Variants in AK4 observed in about 807,000 individuals in gnomAD.
AK4 encodes adenylate kinase 4.
Under a neutral mutation model 24.6 loss-of-function variants are expected in AK4, and 13 were observed. The observed-to-expected ratio is 0.53, with a 90% confidence interval of 0.34 to 0.84. The LOEUF (loss-of-function observed/expected upper bound fraction) is 0.84, where lower values mean the gene tolerates loss of function less well. AK4 is among the 40% of genes least tolerant of loss of function. AK4 has a pLI of 0.01. For missense variants in AK4, 192 were observed against 288.2 expected (o/e 0.67, Z 2.42); for synonymous variants, 88 against 107.0 (o/e 0.82, Z 1.10).
At chr1:65,169,243 A>C (rs1304483044) in intron 1 of AK4, among the ~76,000 whole-genome samples, 2 of 152,132 alleles carry the variant, frequency 1.3e-5, no homozygotes, top group Non-Finnish European at 2.9e-5. Context: ...ATTGCAGGAT[A>C]TCATTCAGCG....
chr1:65,195,539 C>G (rs1461505397), intron 2 of AK4, among the ~76,000 whole-genome samples: 1 of 152,104 alleles, frequency 6.6e-6, no homozygotes, highest in East Asian at 1.9e-4. Context: ...GTGTTAAACT[C>G]CCCTGGAAAG....
At chr1:65,218,161 A>T (rs1652188068) in intron 2 of AK4, among the ~76,000 whole-genome samples, 1 of 152,222 alleles carries the variant, frequency 6.6e-6, no homozygotes, top group Non-Finnish European at 1.5e-5. Flanking sequence ...TGGATGGAGG[A>T]TCATACTTTA....
chr1:65,170,231 G>A (rs921679855), intron 1 of AK4, among the ~76,000 whole-genome samples: 13 of 152,268 alleles, frequency 8.5e-5, no homozygotes, highest in African/African-American at 2.6e-4. Context: ...ACCCAGGTGC[G>A]GTGGCGGGCG....
At position 65,182,168 on chromosome 1, in the gene AK4, A is replaced by G. The variant is rs565952666; in HGVS notation, c.146-8542A>G. Among the ~76,000 whole-genome samples the G allele has an allele frequency of 1.7e-3, 257 of 152,296 alleles. 1 individual carries two copies. The Middle Eastern group carries it at 0.017, about 10-fold the overall frequency. On this transcript the variant is annotated intron_variant, in intron 1 of 4. Transcript: ENST00000327299. ...ACTCCTGGCCTCAAGGGATCATCCC[A>G]TCTTGACCTCTCAAAGTGTTGGGAT...
intron 2 of AK4, among the ~76,000 whole-genome samples, chr1:65,215,562 T>C (rs1652106201): frequency 1.3e-5 from 2 of 152,246 alleles, no homozygotes; most frequent in Admixed American, 1.3e-4. Flanking sequence ...ATTTCTATAG[T>C]TGTTCCTTCT....
intron 3 of AK4, among the ~76,000 whole-genome samples, chr1:65,222,233 G>T (rs1403498226): frequency 2.0e-5 from 3 of 152,180 alleles, no homozygotes; most frequent in African/African-American, 7.2e-5. Context: ...GCTTCTGATA[G>T]TACACGTGGC....
chr1:65,200,999 G>A (rs1288140808), intron 2 of AK4, among the ~76,000 whole-genome samples: 2 of 152,068 alleles, frequency 1.3e-5, no homozygotes, highest in Admixed American at 1.3e-4. Context: ...TCGCCATGTT[G>A]GCCAGGATAG....
At chr1:65,204,911 C>T (rs1208624180) in intron 2 of AK4, among the ~76,000 whole-genome samples, 3 of 152,144 alleles carry the variant, frequency 2.0e-5, no homozygotes, top group African/African-American at 4.8e-5. Flanking sequence ...TTTGATTAAT[C>T]TCTTGGTTAT....
chr1:65,206,743 C>T (rs971728836), intron 2 of AK4, among the ~76,000 whole-genome samples: 2 of 152,218 alleles, frequency 1.3e-5, no homozygotes, highest in Non-Finnish European at 2.9e-5. Flanking sequence ...CGCATCACTG[C>T]CCTCCTTCCT....
At chr1:65,184,372 C>T (rs1464425666) in intron 1 of AK4, among the ~76,000 whole-genome samples, 5 of 152,094 alleles carry the variant, frequency 3.3e-5, no homozygotes, top group African/African-American at 7.2e-5. Flanking sequence ...TATATGTCGC[C>T]TTAATCATTG....
At chr1:65,152,341 T>C (rs1649803780) in intron 1 of AK4, among the ~76,000 whole-genome samples, 1 of 42,186 alleles carries the variant, frequency 2.4e-5, no homozygotes, top group Non-Finnish European at 4.5e-5. Context: ...TCTCTCTCTC[T>C]CTCTCTCTCT....
chr1:65,197,198 TGTATTA>T (rs1250885720), intron 2 of AK4, among the ~76,000 whole-genome samples: 12 of 128,050 alleles, frequency 9.4e-5, no homozygotes, highest in Admixed American at 2.4e-4. Context: ...TAGAGAGAGA[TGTATTA>T]GTAACTGTTT....
At chr1:65,181,184 G>A (rs557611648) in intron 1 of AK4, among the ~76,000 whole-genome samples, 2 of 150,042 alleles carry the variant, frequency 1.3e-5, no homozygotes, top group African/African-American at 2.5e-5. Context: ...TAACAATTTT[G>A]TATCTCCCAC....
intron 1 of AK4, among the ~76,000 whole-genome samples, chr1:65,152,227 C>A (rs1649794323): frequency 6.6e-6 from 1 of 150,492 alleles, no homozygotes; most frequent in Non-Finnish European, 1.5e-5. Context: ...ATCTCAAGTG[C>A]AGGAAAACTG....
In AK4 at chr1:65,210,603, C is replaced by G. The variant is rs369502817; in HGVS notation, c.266-8151C>G. Among the ~76,000 whole-genome samples the G allele has an allele frequency of 4.9e-4, 75 of 152,240 alleles. No homozygotes were observed. In the Middle Eastern group the frequency reaches 0.024, roughly 48 times the overall value. On this transcript the variant is annotated intron_variant, in intron 2 of 4. Transcript: ENST00000327299. ...CGAGGACTTTCTCCTATGTGAAAAT[C>G]TCATGTTGGGTGATGGTGGTGGTGG...
At chr1:65,167,893 T>C (rs909356948) in intron 1 of AK4, among the ~76,000 whole-genome samples, 1 of 152,240 alleles carries the variant, frequency 6.6e-6, no homozygotes, top group African/African-American at 2.4e-5. Flanking sequence ...CTTCAGTCTT[T>C]TGTTGTCACA....
At chr1:65,149,126 T>C (rs901299903) in intron 1 of AK4, 1 of 152,500 alleles carries the variant, frequency 6.6e-6, no homozygotes, top group African/African-American at 2.4e-5. Context: ...TGTCTGTTCG[T>C]TGTCGCCTTC....
At chr1:65,150,947 T>G (rs900236152) in intron 1 of AK4, among the ~76,000 whole-genome samples, 35 of 152,054 alleles carry the variant, frequency 2.3e-4, no homozygotes, top group Admixed American at 6.6e-5. Flanking sequence ...TTCATCTCTT[T>G]CCTCTGCACA....
Position 65,215,160 on chromosome 1 carries a change from T to TTTTCTTTTC in AK4, c.266-3587_266-3586insTCTTTCTTT, listed in dbSNP as rs1220811548. ...CATTGATTTTTTTTCTTTTCTTTTCTTTTCTTTCTTTCTTTCTTTTTTTTT... is the reference window on the plus strand; with the variant it reads ...CATTGATTTTTTTTCTTTTCTTTTCTTTTCTTTTCTTTCTTTCTTTCTTTCTTTTTTTTT... On this transcript the variant is annotated intron_variant, in intron 2 of 4. Transcript: ENST00000327299. Among the ~76,000 whole-genome samples the TTTTCTTTTC allele has an allele frequency of 3.9e-3, 562 of 144,370 alleles. 5 individuals are homozygous for TTTTCTTTTC. The highest frequency in any genetic ancestry group is 0.014 in the African/African-American group (547 of 39,818). The allele number at this position is 144,370 out of a possible 152,430, so 94.7% of individuals were successfully genotyped here.
Sources: gnomAD v4.1 joint callset for allele counts (sites outside exome capture counted in the v4.1 genomes callset) on GRCh38, gnomAD v4.1.1 for gene constraint, MANE v1.5 for transcripts, NCBI Gene and HGNC (gene_info 2026-07-23, HGNC 2026-07-21) for gene names.